BRWD1: variants seen among roughly 807,000 people sequenced by gnomAD.
BRWD1 encodes the protein bromodomain and WD repeat-containing protein 1.
Under a neutral mutation model 251.2 loss-of-function variants are expected in BRWD1, and 82 were observed. The observed-to-expected ratio is 0.33, with a 90% CI of 0.27 to 0.39. The LOEUF is 0.39. Ranked by LOEUF, BRWD1 falls within the 10% of genes least tolerant of loss-of-function variation. The probability of loss-of-function intolerance (pLI) is 1.00; values close to 1 mark genes in which losing one functional copy is unlikely to be tolerated. For synonymous variants in BRWD1, 918 were observed against 902.8 expected (o/e 1.02, Z -0.30); for missense variants, 2,233 against 2,711.6 (o/e 0.82, Z 3.92).
At chr21:39,236,866 C>T in intron 22 of BRWD1, 82 bp from the exon 23 acceptor site, 3 of 1,271,204 alleles carry the variant, frequency 2.4e-6, no homozygotes, top group Non-Finnish European at 1.1e-6. Context: ...ATTGAGGGAA[C>T]AGAGAGAGGA....
At chr21:39,285,266 A>G (rs2035596688) in intron 8 of BRWD1, among the ~76,000 whole-genome samples, 1 of 152,204 alleles carries the variant, frequency 6.6e-6, no homozygotes, top group Non-Finnish European at 1.5e-5. Flanking sequence ...TTGAATTTTA[A>G]AAGTTGATTT....
intron 4 of BRWD1, among the ~76,000 whole-genome samples, chr21:39,309,633 G>A (rs1024074761): frequency 6.6e-6 from 1 of 151,462 alleles, no homozygotes; most frequent in African/African-American, 2.4e-5. Context: ...GACCATCCTG[G>A]CTAACACAGT....
chr21:39,192,959 A>C lies in BRWD1; in HGVS notation c.*3300T>G, dbSNP rs2836934. The stretch of plus-strand genomic sequence containing the variant: ...AAAAAAAGTCTAGAAGACAGAGGGA[A>C]TGTAGTGTGCACCCCTTATTCTAAG... On this transcript the variant is annotated 3_prime_UTR_variant, in exon 41 of 41. Coordinates refer to ENST00000342449, the MANE Select transcript of BRWD1 (RefSeq NM_033656.4). 433,835 of 981,788 alleles carry C rather than the reference A, an allele frequency of 0.44. 96,568 individuals carry two copies. The highest frequency in any genetic ancestry group is 0.53 in the Admixed American group (8,655 of 16,188). 60.8% of individuals were successfully genotyped at this position (981,788 alleles called of 1,614,324 possible).
intron 8 of BRWD1, among the ~76,000 whole-genome samples, chr21:39,293,608 T>C (rs190611384): frequency 9.7e-4 from 148 of 152,254 alleles, no homozygotes; most frequent in Admixed American, 2.6e-3. Flanking sequence ...CCCCAAAATA[T>C]CAATAAGCCT....
At chr21:39,281,417 G>A (rs1047728653) in intron 8 of BRWD1, among the ~76,000 whole-genome samples, 3 of 152,172 alleles carry the variant, frequency 2.0e-5, no homozygotes, top group African/African-American at 7.2e-5. Context: ...TGACTCGCCC[G>A]AGTGCTGTGG....
At chr21:39,311,452 G>C (rs28460573) in intron 4 of BRWD1, among the ~76,000 whole-genome samples, 14,705 of 152,142 alleles carry the variant, frequency 0.097, 834 homozygotes, top group East Asian at 0.14. Context: ...ACTGCACCCA[G>C]CCCCTATAAA....
At chr21:39,283,294 A>T (rs2035531642) in intron 8 of BRWD1, among the ~76,000 whole-genome samples, 2 of 152,198 alleles carry the variant, frequency 1.3e-5, no homozygotes, top group Admixed American at 6.5e-5. Flanking sequence ...TTTATAGCAT[A>T]ATCAGGAAAG....
chr21:39,210,942 T>G lies in BRWD1; in HGVS notation c.3901-13A>C, dbSNP rs141108578. 29 of 1,607,020 alleles carry G rather than the reference T, an allele frequency of 1.8e-5. No individual in the cohort carries two copies. In the East Asian group the frequency reaches 6.5e-4, roughly 36 times the overall value. On this transcript the variant is annotated splice_polypyrimidine_tract_variant and intron_variant, in intron 34 of 40. Transcript: ENST00000342449. ...TCCCATCATGGACCTAAAAATACAT[T>G]CACAGTCTTAAGAAAAATCACACTA...
chr21:39,226,502 A>T (rs921517382), intron 27 of BRWD1, among the ~76,000 whole-genome samples: 3 of 152,340 alleles, frequency 2.0e-5, no homozygotes, highest in Non-Finnish European at 2.9e-5. Context: ...ATTCAGTTTT[A>T]AAAAAATTAA....
At chr21:39,225,013 A>C in intron 28 of BRWD1, 73 bp downstream of exon 28, 4 of 1,137,546 alleles carry the variant, frequency 3.5e-6, no homozygotes, top group Admixed American at 1.9e-5. Context: ...TAAAAACCAG[A>C]AATGTATTAT....
chr21:39,269,055 T>C (rs2035020119), intron 15 of BRWD1, among the ~76,000 whole-genome samples: 2 of 151,996 alleles, frequency 1.3e-5, no homozygotes, highest in Admixed American at 1.3e-4. Context: ...ACACAACGCA[T>C]GAGCCTGAAC....
chr21:39,247,153 G>A (rs1166179488), intron 21 of BRWD1, among the ~76,000 whole-genome samples: 1 of 152,086 alleles, frequency 6.6e-6, no homozygotes, highest in East Asian at 1.9e-4. Context: ...ATCAGTGATT[G>A]TGAGGGGCTG....
chr21:39,229,279 TTAAG>T, intron 26 of BRWD1, 29 bp downstream of exon 26: 1 of 1,534,986 alleles, frequency 6.5e-7, no homozygotes, highest in Non-Finnish European at 8.9e-7. Context: ...AAATTTAAAT[TTAAG>T]TAATTCCATT....
At chr21:39,268,944 C>T (rs577760983) in intron 15 of BRWD1, among the ~76,000 whole-genome samples, 104 of 151,856 alleles carry the variant, frequency 6.8e-4, no homozygotes, top group African/African-American at 2.4e-3. Flanking sequence ...GTTGAGATTG[C>T]GCCACTGCAC....
intron 8 of BRWD1, among the ~76,000 whole-genome samples, chr21:39,291,381 C>T (rs575745898): frequency 2.0e-5 from 3 of 152,268 alleles, no homozygotes; most frequent in African/African-American, 7.2e-5. Context: ...AAAAGCCTTA[C>T]AAATCATCTA....
chr21:39,272,608 CTTTT>C (rs777403730), intron 13 of BRWD1, among the ~76,000 whole-genome samples: 30 of 131,848 alleles, frequency 2.3e-4, no homozygotes, highest in African/African-American at 7.2e-4. Context: ...AATAACATTG[CTTTT>C]TTTTTTTTTT....
Position 39,200,316 on chromosome 21 carries a change from T to C in BRWD1, c.4656A>G (p.Lys1552=). 2 of 1,614,168 alleles carry C rather than the reference T, an allele frequency of 1.2e-6. No individual in the cohort carries two copies. The highest frequency in any genetic ancestry group is 2.2e-5 in the South Asian group (2 of 91,086). The change falls in exon 39 of 41, where the codon AAA becomes AAG. Residue 1552 remains lysine, a synonymous_variant. Transcript: ENST00000342449. ...SSASSSSEES[K]ESSRARESSS... ...AGGATTCACGAGCTCTGGAACTCTCTTTGCTTTCCTCAGAACTACTGGAAG... is the reference window on the plus strand; with the variant it reads ...AGGATTCACGAGCTCTGGAACTCTCCTTGCTTTCCTCAGAACTACTGGAAG...
Position 39,210,047 on chromosome 21 carries a change from A to C in BRWD1, c.4145T>G (p.Ile1382Ser). 5.0e-6 allele frequency: 8 copies of C among 1,613,690 alleles called. No individual in the cohort carries two copies. The highest frequency in any genetic ancestry group is 6.8e-6 in the Non-Finnish European group (8 of 1,179,796). ...TTTTGCATTGCTAAATATCAGCCGG[A>C]TGTCTTTGCAAAACTCCAAAGGGCT... is the stretch of plus-strand genomic sequence containing the variant. ...YDSPLEFCKD[I>S]RLIFSNAKAY... The change falls in exon 36 of 41, where the codon ATC becomes AGC. Residue 1382 changes from isoleucine (I) to serine (S), a missense_variant. By Grantham distance (142) the Ile-to-Ser change is moderately radical. Coordinates refer to ENST00000342449, the MANE Select transcript of BRWD1 (RefSeq NM_033656.4).
At chr21:39,313,024 G>A (rs1490895371) in intron 3 of BRWD1, 48 bp downstream of exon 3, 4 of 1,288,534 alleles carry the variant, frequency 3.1e-6, no homozygotes, top group South Asian at 4.4e-5. Flanking sequence ...CTCAGGGCAA[G>A]GTCGGCAGGA....
Sources: gnomAD v4.1 joint callset for allele counts (sites outside exome capture counted in the v4.1 genomes callset) on GRCh38, gnomAD v4.1.1 for gene constraint, MANE v1.5 for transcripts, NCBI Gene and HGNC (gene_info 2026-07-23, HGNC 2026-07-21) for gene names.